Variants in SEL1L2 observed in about 807,000 individuals in gnomAD.
The protein encoded by SEL1L2 is SEL1L2 adaptor subunit of SYVN1 ubiquitin ligase.
SEL1L2 carries 89 observed loss-of-function variants against 98.8 expected under a neutral mutation model. The ratio of observed to expected loss-of-function variants is 0.90; its 90% CI spans 0.76 to 1.07. The LOEUF (loss-of-function observed/expected upper bound fraction) is 1.07, where lower values mean the gene tolerates loss of function less well. Among genes scored for constraint, SEL1L2 ranks in the 50% least tolerant of loss-of-function variants. The pLI, the probability that SEL1L2 is intolerant of heterozygous loss-of-function variation, is 0.00. For synonymous variants in SEL1L2, 262 were observed against 278.5 expected, an observed-to-expected ratio of 0.94 and a Z score of 0.59; for missense variants, 788 against 812.0, an observed-to-expected ratio of 0.97 and a Z score of 0.36.
intron 2 of SEL1L2, among the ~76,000 whole-genome samples, chr20:13,954,618 G>T (rs1322721322): frequency 6.6e-6 from 1 of 152,052 alleles, no homozygotes; most frequent in African/African-American, 2.4e-5. Flanking sequence ...TTTGTCCCAG[G>T]CTTTACAAGG....
intron 2 of SEL1L2, among the ~76,000 whole-genome samples, chr20:13,949,118 A>G (rs1247905031): frequency 6.6e-6 from 1 of 152,220 alleles, no homozygotes; most frequent in African/African-American, 2.4e-5. Flanking sequence ...CAACCCACAG[A>G]CTGGGAGAAA....
intron 8 of SEL1L2, among the ~76,000 whole-genome samples, chr20:13,886,656 G>A (rs184467478): frequency 1.5e-3 from 229 of 152,286 alleles, no homozygotes; most frequent in Middle Eastern, 0.014. Flanking sequence ...GGGAGGCAGA[G>A]GCGGGCAAAT....
intron 5 of SEL1L2, among the ~76,000 whole-genome samples, chr20:13,898,053 T>C (rs1414218824): frequency 6.6e-6 from 1 of 152,156 alleles, no homozygotes; most frequent in East Asian, 1.9e-4. Flanking sequence ...ATGGTGCAGC[T>C]GCTATGGAAA....
At chr20:13,957,138 T>C (rs1219755865) in intron 1 of SEL1L2, among the ~76,000 whole-genome samples, 1 of 152,008 alleles carries the variant, frequency 6.6e-6, no homozygotes, top group Non-Finnish European at 1.5e-5. Context: ...AGTCTCACTC[T>C]GTCACCCAAG....
At chr20:13,851,350 ATTCAT>A (rs537096993) in intron 18 of SEL1L2, 26 of 152,268 alleles carry the variant, frequency 1.7e-4, no homozygotes, top group African/African-American at 5.8e-4. Flanking sequence ...GAATTTATTT[ATTCAT>A]TTGTTTGTCT....
chr20:13,913,202 A>C (rs1160296724), intron 5 of SEL1L2, among the ~76,000 whole-genome samples: 1 of 152,220 alleles, frequency 6.6e-6, no homozygotes. Flanking sequence ...CATAGTAAAG[A>C]CTATAGCAAC....
At chr20:13,885,309 TC>T in intron 10 of SEL1L2, 37 bp downstream of exon 10, 1 of 1,384,436 alleles carries the variant, frequency 7.2e-7, no homozygotes, top group East Asian at 2.3e-5. Context: ...ACCACTACCT[TC>T]CCCACCCCAT....
At chr20:13,947,147 C>G (rs1174898144) in intron 2 of SEL1L2, among the ~76,000 whole-genome samples, 6 of 143,340 alleles carry the variant, frequency 4.2e-5, no homozygotes, top group African/African-American at 1.5e-4. Context: ...CGGGTGGAGT[C>G]TGTAGCTGGG....
chr20:13,940,935 G>A (rs1283332320), intron 2 of SEL1L2, among the ~76,000 whole-genome samples: 1 of 152,140 alleles, frequency 6.6e-6, no homozygotes, highest in African/African-American at 2.4e-5. Context: ...AGAACAGTTT[G>A]GAAACTATTG....
chr20:13,907,638 A>G (rs1040382720), intron 5 of SEL1L2, among the ~76,000 whole-genome samples: 1 of 152,120 alleles, frequency 6.6e-6, no homozygotes, highest in Non-Finnish European at 1.5e-5. Flanking sequence ...CCATTAAATT[A>G]AGCTTTAAGG....
intron 4 of SEL1L2, among the ~76,000 whole-genome samples, chr20:13,918,244 TA>T (rs1003709178): frequency 2.0e-5 from 3 of 152,174 alleles, no homozygotes; most frequent in Non-Finnish European, 4.4e-5. Context: ...TTGATTGCAT[TA>T]TCCGGGTCAC....
intron 2 of SEL1L2, among the ~76,000 whole-genome samples, chr20:13,953,101 T>C (rs2050350260): frequency 6.6e-6 from 1 of 152,146 alleles, no homozygotes; most frequent in Non-Finnish European, 1.5e-5. Flanking sequence ...CTGGTTGGCT[T>C]AGGATTGGGC....
chr20:13,906,913 A>G (rs2047957990), intron 5 of SEL1L2, among the ~76,000 whole-genome samples: 1 of 152,168 alleles, frequency 6.6e-6, no homozygotes, highest in Non-Finnish European at 1.5e-5. Flanking sequence ...TCCTGACCTC[A>G]AGTGATCCAC....
At chr20:13,910,737 A>G (rs2048175346) in intron 5 of SEL1L2, among the ~76,000 whole-genome samples, 2 of 152,234 alleles carry the variant, frequency 1.3e-5, no homozygotes, top group Admixed American at 1.3e-4. Flanking sequence ...ATAGCAAAAA[A>G]AGAAACAAAA....
At chr20:13,954,189 T>A (rs1326815942) in intron 2 of SEL1L2, among the ~76,000 whole-genome samples, 2 of 152,068 alleles carry the variant, frequency 1.3e-5, no homozygotes, top group African/African-American at 2.4e-5. Context: ...GGTGAGTGTG[T>A]TTTTAAAATT....
chr20:13,909,168 A>T (rs1409963930), intron 5 of SEL1L2, among the ~76,000 whole-genome samples: 1 of 151,506 alleles, frequency 6.6e-6, no homozygotes, highest in Non-Finnish European at 1.5e-5. Flanking sequence ...TTCTGTTGCT[A>T]TGTTGTCCTC....
chr20:13,939,040 G>GT (rs386365633), intron 2 of SEL1L2, among the ~76,000 whole-genome samples: 6 of 114,072 alleles, frequency 5.3e-5, no homozygotes, highest in African/African-American at 1.4e-4. Context: ...TGCTTGTTTT[G>GT]TTTTTTTTTT....
At chr20:13,984,514 T>G (rs915784216) in intron 1 of SEL1L2, among the ~76,000 whole-genome samples, 3 of 152,178 alleles carry the variant, frequency 2.0e-5, no homozygotes, top group Admixed American at 2.0e-4. Flanking sequence ...ATCCATCAAC[T>G]CTTCTCAGTT....
At position 13,882,812 on chromosome 20, in the gene SEL1L2, C is replaced by CTTTTTTT. The variant is rs759286946; in HGVS notation, c.957+2528_957+2534dup. Among the ~76,000 whole-genome samples the CTTTTTTT allele has an allele frequency of 7.5e-5, 8 of 107,244 alleles. 1 individual carries two copies. Among genetic ancestry groups the CTTTTTTT allele is most frequent in the Non-Finnish European group, 5.5e-5 (3 of 54,720 alleles). The allele number at this position is 107,244 out of a possible 152,430, so 70.4% of individuals were successfully genotyped here. On this transcript the variant is annotated intron_variant, in intron 10 of 19. Transcript: ENST00000284951. Reference sequence around the variant, plus strand: ...ATAACTGATAGATAAGTCAATTTGTCTTTTTTTTTTTTTTTTTTTTTTGAG... The same window carrying CTTTTTTT: ...ATAACTGATAGATAAGTCAATTTGTCTTTTTTTTTTTTTTTTTTTTTTTTTTTTTGAG...
Sources: gnomAD v4.1 joint callset for allele counts (sites outside exome capture counted in the v4.1 genomes callset) on GRCh38, gnomAD v4.1.1 for gene constraint, MANE v1.5 for transcripts, NCBI Gene and HGNC (gene_info 2026-07-23, HGNC 2026-07-21) for gene names.